The following BCAS4 variants were observed in gnomAD, a reference collection of about 807,000 sequenced individuals.
The protein encoded by BCAS4 is breast carcinoma-amplified sequence 4.
BCAS4 carries 9 observed loss-of-function variants against 15.7 expected under a neutral mutation model. The observed-to-expected ratio is 0.57, with a 90% CI of 0.34 to 1.00. The LOEUF is 1.00. Among genes scored for constraint, BCAS4 ranks in the 50% least tolerant of loss-of-function variants. The pLI is 0.02. For synonymous variants in BCAS4, 101 were observed against 99.5 expected, an observed-to-expected ratio of 1.02 and a Z score of -0.09; for missense variants, 225 against 239.1, an observed-to-expected ratio of 0.94 and a Z score of 0.39.
intron 4 of BCAS4, among the ~76,000 whole-genome samples, chr20:50,875,618 A>G (rs926733906): frequency 1.3e-5 from 2 of 150,936 alleles, no homozygotes; most frequent in African/African-American, 2.4e-5. Flanking sequence ...AAAAAAAAAA[A>G]AAAAGAAAAA....
chr20:50,819,838 CCCTT>C (rs780414332), intron 2 of BCAS4, among the ~76,000 whole-genome samples: 9 of 151,654 alleles, frequency 5.9e-5, no homozygotes, highest in Non-Finnish European at 1.0e-4. Flanking sequence ...CTCCGTCCCT[CCCTT>C]CCTTCCTTCC....
In BCAS4 at chr20:50,830,351, G is replaced by A. The variant is rs2088328800; in HGVS notation, c.235G>A (p.Gly79Ser). The A allele has an allele frequency of 6.2e-7, 1 of 1,613,660 alleles. No homozygotes were observed. Among genetic ancestry groups the A allele is most frequent in the African/African-American group, 1.3e-5 (1 of 74,918 alleles). The stretch of plus-strand genomic sequence containing the variant: ...TAAGGCCAAACTGACAGAAATGCGT[G>A]GCATCTATGCCAAAGTGGACCGGCT... Reference protein sequence around the residue: ...VLKAKLTEMRGIYAKVDRLEA... With the variant: ...VLKAKLTEMRSIYAKVDRLEA... Residue 79 changes from glycine to serine, a missense_variant, in exon 3 of 5, where the codon GGC becomes AGC. Transcript: ENST00000371608.
At chr20:50,867,897 G>GA (rs1229819322) in intron 4 of BCAS4, among the ~76,000 whole-genome samples, 1 of 152,180 alleles carries the variant, frequency 6.6e-6, no homozygotes, top group African/African-American at 2.4e-5. Context: ...CTGGATGACA[G>GA]AGAGAGACTC....
chr20:50,868,711 C>T (rs1979482107), intron 4 of BCAS4, among the ~76,000 whole-genome samples: 1 of 152,242 alleles, frequency 6.6e-6, no homozygotes, highest in Non-Finnish European at 1.5e-5. Flanking sequence ...CTGCCATGCT[C>T]AGCCTGATCC....
chr20:50,862,555 A>G (rs1979139900), intron 4 of BCAS4, among the ~76,000 whole-genome samples: 2 of 144,244 alleles, frequency 1.4e-5, no homozygotes, highest in Admixed American at 6.8e-5. Flanking sequence ...ATGCACGGGC[A>G]CAGCCAGACC....
intron 4 of BCAS4, among the ~76,000 whole-genome samples, chr20:50,873,400 C>T (rs1336920762): frequency 6.6e-6 from 1 of 152,156 alleles, no homozygotes; most frequent in Non-Finnish European, 1.5e-5. Context: ...TCCTCAGGAC[C>T]AGGAGAAGAA....
chr20:50,871,046 G>A (rs1423298240), intron 4 of BCAS4, among the ~76,000 whole-genome samples: 1 of 152,202 alleles, frequency 6.6e-6, no homozygotes, highest in African/African-American at 2.4e-5. Context: ...GGACCCCAGC[G>A]GGGACTCATT....
At chr20:50,846,799 A>G (rs989388832) in intron 4 of BCAS4, 2 of 151,820 alleles carry the variant, frequency 1.3e-5, no homozygotes, top group Admixed American at 6.6e-5. Flanking sequence ...TTTTTAGTAG[A>G]GACAGGGTTT....
chr20:50,843,808 T>C (rs1295852626), intron 4 of BCAS4, among the ~76,000 whole-genome samples: 1 of 152,226 alleles, frequency 6.6e-6, no homozygotes, highest in African/African-American at 2.4e-5. Flanking sequence ...CCTCAACTTA[T>C]GGTGACCATT....
At chr20:50,872,449 T>TA (rs1979699149) in intron 4 of BCAS4, among the ~76,000 whole-genome samples, 1 of 151,340 alleles carries the variant, frequency 6.6e-6, no homozygotes, top group South Asian at 2.1e-4. Flanking sequence ...CGGGTGCCTG[T>TA]AGTCTCAGCT....
chr20:50,868,468 C>T (rs1269394464), intron 4 of BCAS4, among the ~76,000 whole-genome samples: 1 of 152,156 alleles, frequency 6.6e-6, no homozygotes, highest in Non-Finnish European at 1.5e-5. Flanking sequence ...TATTGCCCAG[C>T]CTATAGTGCA....
chr20:50,822,989 G>A (rs1309594088), intron 2 of BCAS4, among the ~76,000 whole-genome samples: 3 of 151,978 alleles, frequency 2.0e-5, no homozygotes, highest in Non-Finnish European at 2.9e-5. Context: ...TGTCATTACC[G>A]ATAAGGAATG....
chr20:50,871,129 C>T (rs768529684), intron 4 of BCAS4, among the ~76,000 whole-genome samples: 1 of 152,178 alleles, frequency 6.6e-6, no homozygotes, highest in Non-Finnish European at 1.5e-5. Context: ...GGTGAAAACC[C>T]CAGGGTTTGA....
At chr20:50,871,049 G>A (rs116132887) in intron 4 of BCAS4, among the ~76,000 whole-genome samples, 380 of 152,360 alleles carry the variant, frequency 2.5e-3, no homozygotes, top group African/African-American at 8.6e-3. Flanking sequence ...CCCCAGCGGG[G>A]ACTCATTCCC....
At chr20:50,811,441 ATT>A (rs1224644192) in intron 1 of BCAS4, among the ~76,000 whole-genome samples, 3 of 152,238 alleles carry the variant, frequency 2.0e-5, no homozygotes, top group African/African-American at 7.2e-5. Flanking sequence ...CTTTTAGTAT[ATT>A]TACTGTGTTG....
chr20:50,842,532 C>T (rs914392316), intron 4 of BCAS4, among the ~76,000 whole-genome samples: 1 of 152,130 alleles, frequency 6.6e-6, no homozygotes, highest in Non-Finnish European at 1.5e-5. Flanking sequence ...ATTCTCCTAC[C>T]TCAGCCTCCC....
chr20:50,805,245 C>T (rs77297882), intron 1 of BCAS4, among the ~76,000 whole-genome samples: 9 of 152,282 alleles, frequency 5.9e-5, no homozygotes, highest in African/African-American at 2.2e-4. Flanking sequence ...CGTTATCTGT[C>T]ATTCCCCAAC....
At chr20:50,810,827 T>C (rs934351612) in intron 1 of BCAS4, among the ~76,000 whole-genome samples, 9 of 152,098 alleles carry the variant, frequency 5.9e-5, no homozygotes, top group African/African-American at 2.2e-4. Flanking sequence ...CCTGACTTTG[T>C]GATCTGTCCG....
At chr20:50,873,008 G>A (rs1979732339) in intron 4 of BCAS4, among the ~76,000 whole-genome samples, 1 of 152,214 alleles carries the variant, frequency 6.6e-6, no homozygotes, top group South Asian at 2.1e-4. Context: ...GTGACGTTTG[G>A]CCAGACACCG....
Sources: allele counts gnomAD v4.1 joint callset (sites outside exome capture counted in the v4.1 genomes callset), GRCh38; gene constraint gnomAD v4.1.1; transcripts MANE v1.5; gene names NCBI Gene and HGNC (gene_info 2026-07-23, HGNC 2026-07-21).